PINX1: variants seen among roughly 807,000 people sequenced by gnomAD.
The protein encoded by PINX1 is PIN2/TERF1-interacting telomerase inhibitor 1.
In PINX1, 34 loss-of-function variants were observed where a neutral mutation model predicts 25.4. That is an observed-to-expected ratio of 1.34 (90% CI 1.02 to 1.78). The LOEUF is 1.78. Ranked by LOEUF, PINX1 falls within the 40% of genes most tolerant of loss-of-function variation. PINX1 has a pLI of 0.00. For synonymous variants in PINX1, 197 were observed against 147.7 expected (o/e 1.33, Z -2.42); for missense variants, 592 against 404.9 (o/e 1.46, Z -3.97).
intron 6 of PINX1, among the ~76,000 whole-genome samples, chr8:10,774,137 T>C (rs926249770): frequency 1.3e-5 from 2 of 152,204 alleles, no homozygotes; most frequent in Non-Finnish European, 1.5e-5. Flanking sequence ...GAGGGTTCTG[T>C]CTCTTCCATC....
chr8:10,809,317 T>C (rs958584662), intron 6 of PINX1, among the ~76,000 whole-genome samples: 7 of 152,224 alleles, frequency 4.6e-5, no homozygotes, highest in Non-Finnish European at 1.5e-5. Context: ...GGCACACATG[T>C]CTTCAAGCGA....
intron 6 of PINX1, among the ~76,000 whole-genome samples, chr8:10,818,768 G>A (rs375317477): frequency 1.3e-5 from 2 of 152,176 alleles, no homozygotes; most frequent in African/African-American, 4.8e-5. Context: ...CAGCTGTTGG[G>A]CAGAGCAAAG....
intron 5 of PINX1, among the ~76,000 whole-genome samples, chr8:10,822,597 G>C (rs78222699): frequency 6.6e-6 from 1 of 152,174 alleles, no homozygotes; most frequent in Non-Finnish European, 1.5e-5. Flanking sequence ...CAGTTTCCCA[G>C]TCTATCAGAG....
intron 2 of PINX1, 43 bp from the exon 3 acceptor site, chr8:10,833,027 G>A (rs779336904): frequency 1.6e-6 from 2 of 1,256,874 alleles, no homozygotes; most frequent in East Asian, 2.4e-5. Flanking sequence ...TCCTCTCACT[G>A]ATACTCAGAA....
At chr8:10,794,639 C>T (rs2129077702) in intron 6 of PINX1, among the ~76,000 whole-genome samples, 1 of 152,224 alleles carries the variant, frequency 6.6e-6, no homozygotes, top group Non-Finnish European at 1.5e-5. Context: ...GTTGACCAGG[C>T]TGATCTCGAA....
intron 6 of PINX1, among the ~76,000 whole-genome samples, chr8:10,797,763 G>C (rs1038716378): frequency 1.3e-5 from 2 of 152,162 alleles, no homozygotes; most frequent in African/African-American, 4.8e-5. Flanking sequence ...CTTATTTTCA[G>C]TCACAGAGAT....
chr8:10,834,381 C>A (rs1278874369), intron 2 of PINX1: 3 of 354,450 alleles, frequency 8.5e-6, no homozygotes, highest in Non-Finnish European at 5.1e-6. Context: ...GAGGTATCAG[C>A]AGAGGCTCTA....
intron 1 of PINX1, 49 bp downstream of exon 1, chr8:10,839,689 G>C (rs1440629708): frequency 6.3e-7 from 1 of 1,578,036 alleles, no homozygotes; most frequent in Admixed American, 1.8e-5. Context: ...CGCGTCACCC[G>C]GCATCTTCAC....
chr8:10,795,868 CATTTG>C (rs1301257494), intron 6 of PINX1, among the ~76,000 whole-genome samples: 1 of 147,294 alleles, frequency 6.8e-6, no homozygotes, highest in Non-Finnish European at 1.5e-5. Flanking sequence ...TCACAAATCC[CATTTG>C]ATTTTTTTTT....
Position 10,765,303 on chromosome 8 carries a change from C to G in PINX1, c.*98G>C. 4.2e-6 allele frequency: 5 copies of G among 1,187,682 alleles called. No individual in the cohort carries two copies. Among genetic ancestry groups the G allele is most frequent in the Non-Finnish European group, 5.7e-6 (5 of 872,152 alleles). 73.6% of individuals were successfully genotyped at this position (1,187,682 alleles called of 1,614,324 possible). ...GGGCATGCCACAAGATGCGCCCAGG[C>G]GCTCTGGGGTGAACTCTGCTGTGAC... On this transcript the variant is annotated 3_prime_UTR_variant, in exon 7 of 7. Transcript: ENST00000314787.
intron 6 of PINX1, among the ~76,000 whole-genome samples, chr8:10,788,176 T>C (rs545947002): frequency 2.3e-4 from 35 of 152,262 alleles, no homozygotes; most frequent in Non-Finnish European, 4.0e-4. Flanking sequence ...GAATTGATCA[T>C]TGTTAAGCTG....
rs531488063 is a variant in PINX1 at position 10,802,863 on chromosome 8, C to T, written c.471+17330G>A. Reference sequence around the variant, plus strand: ...TTTCTTCTCTTTGTTTGCTTCCAGCCCTGACTTCTACTAATATTAGTATAC... The same window carrying T: ...TTTCTTCTCTTTGTTTGCTTCCAGCTCTGACTTCTACTAATATTAGTATAC... On this transcript the variant is annotated intron_variant, in intron 6 of 6. Coordinates refer to ENST00000314787, the MANE Select transcript of PINX1 (RefSeq NM_017884.6). Among the ~76,000 whole-genome samples, 5 of 152,206 alleles carry T rather than the reference C, an allele frequency of 3.3e-5. No homozygotes were observed. The East Asian group carries it at 7.7e-4, about 23-fold the overall frequency.
intron 6 of PINX1, among the ~76,000 whole-genome samples, chr8:10,807,656 C>G (rs1301875815): frequency 6.6e-6 from 1 of 152,088 alleles, no homozygotes; most frequent in Non-Finnish European, 1.5e-5. Context: ...GCAACAATGG[C>G]TATCAGAAGA....
intron 6 of PINX1, among the ~76,000 whole-genome samples, chr8:10,807,318 C>CA (rs1802482922): frequency 5.3e-5 from 1 of 18,702 alleles, no homozygotes; most frequent in Non-Finnish European, 1.1e-4. Context: ...TCAAGAAAAT[C>CA]CCCCCCCCAC....
chr8:10,774,201 T>C (rs1017362574), intron 6 of PINX1, among the ~76,000 whole-genome samples: 2 of 152,162 alleles, frequency 1.3e-5, no homozygotes, highest in African/African-American at 4.8e-5. Context: ...AACTCAAATG[T>C]AGGCTCCTTA....
intron 6 of PINX1, among the ~76,000 whole-genome samples, chr8:10,767,249 C>T: frequency 6.6e-6 from 1 of 152,004 alleles, no homozygotes; most frequent in East Asian, 1.9e-4. Context: ...ATAAACAGAC[C>T]CTGTATTGTC....
rs756916950 is a variant in PINX1, at chr8:10,839,716, G to A, written c.19+22C>T. On this transcript the variant is annotated intron_variant, in intron 1 of 6. Coordinates refer to ENST00000314787, the MANE Select transcript of PINX1 (RefSeq NM_017884.6). Reference sequence around the variant, plus strand: ...CATCTTCACCAACGCGCCTGGGTCGGGCCTCCGCTTCCGACACTCACGTTC... The same window carrying A: ...CATCTTCACCAACGCGCCTGGGTCGAGCCTCCGCTTCCGACACTCACGTTC... 4.4e-6 allele frequency: 7 copies of A among 1,599,572 alleles called. No homozygotes were observed. In the African/African-American group the frequency reaches 5.4e-5, roughly 12 times the overall value.
chr8:10,832,431 G>C (rs931679226), intron 3 of PINX1, among the ~76,000 whole-genome samples: 5 of 152,122 alleles, frequency 3.3e-5, no homozygotes, highest in African/African-American at 1.2e-4. Flanking sequence ...AGGTTTACTG[G>C]GCAATGCTTC....
intron 1 of PINX1, among the ~76,000 whole-genome samples, chr8:10,838,885 T>C (rs1798484728): frequency 6.6e-6 from 1 of 152,214 alleles, no homozygotes; most frequent in South Asian, 2.1e-4. Context: ...CCCATTTCGT[T>C]TTGTGCTCCT....
Sources: gnomAD v4.1 joint callset for allele counts (sites outside exome capture counted in the v4.1 genomes callset) on GRCh38, gnomAD v4.1.1 for gene constraint, MANE v1.5 for transcripts, NCBI Gene and HGNC (gene_info 2026-07-23, HGNC 2026-07-21) for gene names.